LARGE1: variants seen among roughly 807,000 people sequenced by gnomAD.
LARGE1 encodes the protein xylosyl- and glucuronyltransferase LARGE1.
Under a neutral mutation model 87.6 loss-of-function variants are expected in LARGE1, and 43 were observed. The observed-to-expected ratio is 0.49, with a 90% CI of 0.38 to 0.63. LARGE1 has a LOEUF of 0.63. Ranked by LOEUF, LARGE1 falls within the 30% of genes least tolerant of loss-of-function variation. The probability of loss-of-function intolerance (pLI) is 0.00; values close to 1 mark genes in which losing one functional copy is unlikely to be tolerated. For missense variants in LARGE1, 802 were observed against 1,000.2 expected (o/e 0.80, Z 2.67); for synonymous variants, 434 against 394.6 (o/e 1.10, Z -1.18).
intron 5 of LARGE1, among the ~76,000 whole-genome samples, chr22:33,598,413 G>A (rs1177394406): frequency 6.6e-6 from 1 of 152,182 alleles, no homozygotes; most frequent in African/African-American, 2.4e-5. Context: ...TGGGATACAT[G>A]TGTAGACCAT....
intron 5 of LARGE1, among the ~76,000 whole-genome samples, chr22:33,602,789 A>C (rs962638182): frequency 3.9e-5 from 6 of 152,202 alleles, no homozygotes; most frequent in Non-Finnish European, 7.4e-5. Context: ...CTGGGATTAC[A>C]GGCATGAGCC....
chr22:33,847,581 A>T lies in LARGE1; in HGVS notation c.-83+72414T>A, dbSNP rs2063471001. 2.0e-5 allele frequency among the ~76,000 whole-genome samples: 3 copies of T among 152,362 alleles called. No individual in the cohort carries two copies. The South Asian group carries it at 6.2e-4, about 32-fold the overall frequency. ...GTGCTTTATACATAGAAGGTGAATA[A>T]TAAGTTGTTGCTGAATAAATAGCCA... On this transcript the variant is annotated intron_variant, in intron 1 of 14. Coordinates refer to ENST00000397394, the MANE Select transcript of LARGE1 (RefSeq NM_133642.5).
intron 1 of LARGE1, among the ~76,000 whole-genome samples, chr22:33,762,835 C>T (rs2084781391): frequency 6.6e-6 from 1 of 152,198 alleles, no homozygotes; most frequent in Non-Finnish European, 1.5e-5. Context: ...CTACCCACCT[C>T]CTGACATAGG....
chr22:33,143,600 G>A, the LARGE1 span, among the ~76,000 whole-genome samples: 1 of 151,958 alleles, frequency 6.6e-6, no homozygotes, highest in Non-Finnish European at 1.5e-5. Flanking sequence ...TCTTTTCCCT[G>A]CATGTGATTT....
chr22:33,482,093 T>G (rs757543873), intron 6 of LARGE1, among the ~76,000 whole-genome samples: 1 of 152,216 alleles, frequency 6.6e-6, no homozygotes, highest in Non-Finnish European at 1.5e-5. Context: ...CTTCTTGAAC[T>G]GTTAAGTGTT....
chr22:33,075,647 T>G, the LARGE1 span, among the ~76,000 whole-genome samples: 2 of 152,218 alleles, frequency 1.3e-5, no homozygotes, highest in Non-Finnish European at 2.9e-5. Context: ...GAGAAAGATT[T>G]ATGACAATTC....
intron 11 of LARGE1, among the ~76,000 whole-genome samples, chr22:33,170,080 C>T (rs1568957530): frequency 6.6e-6 from 1 of 152,146 alleles, no homozygotes; most frequent in East Asian, 1.9e-4. Context: ...GGGCAGCCCT[C>T]ATAAATGAGA....
chr22:33,224,082 G>A (rs559151024), intron 11 of LARGE1, among the ~76,000 whole-genome samples: 2 of 152,152 alleles, frequency 1.3e-5, no homozygotes, highest in African/African-American at 4.8e-5. Flanking sequence ...TCAGGAGATC[G>A]AGACCATCCT....
chr22:33,134,495 G>A, the LARGE1 span, among the ~76,000 whole-genome samples: 1 of 152,170 alleles, frequency 6.6e-6, no homozygotes, highest in East Asian at 1.9e-4. Flanking sequence ...CTGAGCTTGT[G>A]ATCCGCCCGC....
chr22:33,410,769 G>A (rs928159403), intron 7 of LARGE1, among the ~76,000 whole-genome samples: 2 of 152,094 alleles, frequency 1.3e-5, no homozygotes, highest in African/African-American at 4.8e-5. Context: ...GTAGGCTTAA[G>A]CACTGGGCTC....
intron 6 of LARGE1, among the ~76,000 whole-genome samples, chr22:33,466,116 T>G (rs867821743): frequency 2.6e-5 from 4 of 152,210 alleles, no homozygotes; most frequent in Admixed American, 1.3e-4. Context: ...CCGGCCATGT[T>G]GGACTTTCCA....
chr22:33,744,059 T>C (rs1447816740), intron 2 of LARGE1: 3 of 152,220 alleles, frequency 2.0e-5, no homozygotes, highest in Non-Finnish European at 4.4e-5. Flanking sequence ...GCCTTTGCTT[T>C]ATATTTACTG....
the LARGE1 span, among the ~76,000 whole-genome samples, chr22:33,149,101 G>T: frequency 6.7e-6 from 1 of 149,848 alleles, no homozygotes; most frequent in South Asian, 2.1e-4. Flanking sequence ...GCAGTGGCGC[G>T]ATCTCGGCTC....
intron 13 of LARGE1, among the ~76,000 whole-genome samples, chr22:33,280,917 T>C (rs1227878354): frequency 6.6e-6 from 1 of 152,188 alleles, no homozygotes; most frequent in Non-Finnish European, 1.5e-5. Context: ...AGCCTCTGCA[T>C]TTCTAACAAG....
chr22:33,101,459 G>T, the LARGE1 span, among the ~76,000 whole-genome samples: 3 of 152,094 alleles, frequency 2.0e-5, no homozygotes, highest in Non-Finnish European at 2.9e-5. Context: ...AATCAAATAG[G>T]TTCGATTGCA....
intron 1 of LARGE1, among the ~76,000 whole-genome samples, chr22:33,899,227 A>G (rs1366840005): frequency 2.6e-5 from 4 of 152,216 alleles, no homozygotes; most frequent in Non-Finnish European, 5.9e-5. Flanking sequence ...ACTGACATCA[A>G]ACCCGCCTGA....
chr22:33,839,656 G>C (rs537619012), intron 1 of LARGE1, among the ~76,000 whole-genome samples: 1 of 152,286 alleles, frequency 6.6e-6, no homozygotes, highest in East Asian at 1.9e-4. Flanking sequence ...TTAGTAGCCT[G>C]AACAGTTAAA....
intron 5 of LARGE1, among the ~76,000 whole-genome samples, chr22:33,602,823 T>C (rs1170874734): frequency 6.6e-6 from 1 of 152,154 alleles, no homozygotes; most frequent in Non-Finnish European, 1.5e-5. Context: ...CACTTCGGTG[T>C]CTTCTTACAA....
chr22:33,598,634 T>C (rs1338597493), intron 5 of LARGE1, among the ~76,000 whole-genome samples: 1 of 152,178 alleles, frequency 6.6e-6, no homozygotes, highest in Non-Finnish European at 1.5e-5. Flanking sequence ...CTTGGTTTTC[T>C]GTTCTTGTGT....
Sources: gnomAD v4.1 joint callset for allele counts (sites outside exome capture counted in the v4.1 genomes callset) on GRCh38, gnomAD v4.1.1 for gene constraint, MANE v1.5 for transcripts, NCBI Gene and HGNC (gene_info 2026-07-23, HGNC 2026-07-21) for gene names.